PLCL2: variants seen among roughly 807,000 people sequenced by gnomAD.
PLCL2 encodes the protein inactive phospholipase C-like protein 2.
Under a neutral mutation model 79.6 loss-of-function variants are expected in PLCL2, and 4 were observed. The ratio of observed to expected loss-of-function variants is 0.05; its 90% CI spans 0.02 to 0.11. The LOEUF (loss-of-function observed/expected upper bound fraction) is 0.11, where lower values mean the gene tolerates loss of function less well. PLCL2 is among the 10% of genes least tolerant of loss of function. The pLI is 1.00. For missense variants in PLCL2, 895 were observed against 1,291.0 expected (o/e 0.69, Z 4.70); for synonymous variants, 484 against 457.7 (o/e 1.06, Z -0.73).
chr3:16,931,852 C>G (rs1033057228), intron 1 of PLCL2, among the ~76,000 whole-genome samples: 2 of 152,084 alleles, frequency 1.3e-5, no homozygotes, highest in Non-Finnish European at 2.9e-5. Context: ...ATGTTTGTAT[C>G]CCTGCAAAAT....
chr3:17,088,498 T>C lies in PLCL2; in HGVS notation c.3205-1235T>C, dbSNP rs2124960881. ...TAATAGTGTAAGTAGAAAAAACTGT[T>C]AGTGGAAGGCAGGTTAAATTTGGAA... On this transcript the variant is annotated intron_variant, in intron 5 of 5. Transcript: ENST00000615277. 2.0e-5 allele frequency among the ~76,000 whole-genome samples: 3 copies of C among 152,202 alleles called. No homozygotes were observed. In the South Asian group the frequency reaches 6.2e-4, roughly 32 times the overall value.
intron 1 of PLCL2, among the ~76,000 whole-genome samples, chr3:16,992,189 A>AT (rs1213594827): frequency 6.6e-6 from 1 of 152,144 alleles, no homozygotes; most frequent in African/African-American, 2.4e-5. Flanking sequence ...GGGCAGAGGG[A>AT]TTGGGTGGTG....
intron 1 of PLCL2, among the ~76,000 whole-genome samples, chr3:16,903,193 C>T (rs1696669016): frequency 6.6e-6 from 1 of 152,138 alleles, no homozygotes; most frequent in Non-Finnish European, 1.5e-5. Context: ...CATCTTTAGA[C>T]TGGGATATCA....
At chr3:16,906,863 GT>G (rs563185561) in intron 1 of PLCL2, among the ~76,000 whole-genome samples, 226 of 152,294 alleles carry the variant, frequency 1.5e-3, no homozygotes, top group African/African-American at 4.3e-3. Context: ...AATAGAAACT[GT>G]TTGTTTACTC....
At chr3:16,974,231 G>A (rs1000374811) in intron 1 of PLCL2, among the ~76,000 whole-genome samples, 5 of 152,074 alleles carry the variant, frequency 3.3e-5, no homozygotes, top group Non-Finnish European at 5.9e-5. Flanking sequence ...GAGGGAAAAC[G>A]TTAAAGAGTT....
intron 5 of PLCL2, among the ~76,000 whole-genome samples, chr3:17,078,866 C>T (rs2065134014): frequency 6.6e-6 from 1 of 152,126 alleles, no homozygotes; most frequent in Non-Finnish European, 1.5e-5. Flanking sequence ...AGTATGTTGT[C>T]TCTTTTCCTG....
intron 1 of PLCL2, among the ~76,000 whole-genome samples, chr3:16,892,111 T>G (rs1696365449): frequency 2.6e-5 from 4 of 152,236 alleles, no homozygotes; most frequent in Admixed American, 2.0e-4. Context: ...GGGACAAGAA[T>G]GAGTCTTAGG....
Position 17,089,809 on chromosome 3 carries a change from C to T in PLCL2, c.3281C>T (p.Ser1094Leu), listed in dbSNP as rs1408242756. The T allele has an allele frequency of 6.2e-7, 1 of 1,613,966 alleles. No individual in the cohort carries two copies. Among genetic ancestry groups the T allele is most frequent in the Admixed American group, 1.7e-5 (1 of 60,008 alleles). The change falls in exon 6 of 6, where the codon TCA becomes TTA. Residue 1094 changes from serine to leucine, a missense_variant. Coordinates refer to ENST00000615277, the MANE Select transcript of PLCL2 (RefSeq NM_001144382.2). ...AAACAAATCCATTTTGCTGCTGTTT[C>T]ATGTGGACTGAATAAACCAGGCACC... Reference protein sequence around the residue: ...NLKQIHFAAVSCGLNKPGTEN... With the variant: ...NLKQIHFAAVLCGLNKPGTEN...
intron 1 of PLCL2, among the ~76,000 whole-genome samples, chr3:16,969,370 C>T (rs1279905297): frequency 6.6e-6 from 1 of 152,014 alleles, no homozygotes; most frequent in Admixed American, 6.6e-5. Flanking sequence ...TCTCTCTGGT[C>T]CTGGGCTTTT....
At chr3:16,957,410 C>A (rs2063716423) in intron 1 of PLCL2, among the ~76,000 whole-genome samples, 1 of 152,112 alleles carries the variant, frequency 6.6e-6, no homozygotes, top group African/African-American at 2.4e-5. Flanking sequence ...GTTATAATTT[C>A]TGTTCTTTTA....
intron 1 of PLCL2, among the ~76,000 whole-genome samples, chr3:16,925,402 A>G (rs551457195): frequency 6.6e-5 from 10 of 152,160 alleles, no homozygotes; most frequent in Non-Finnish European, 1.3e-4. Context: ...ATTTTTTGAG[A>G]TGCAATTCTC....
At chr3:17,021,531 C>T (rs1359984313) in intron 3 of PLCL2, among the ~76,000 whole-genome samples, 2 of 151,740 alleles carry the variant, frequency 1.3e-5, no homozygotes, top group African/African-American at 4.8e-5. Flanking sequence ...CCTTCTGATC[C>T]AGTTTTCTAG....
intron 1 of PLCL2, among the ~76,000 whole-genome samples, chr3:16,944,340 ACT>A (rs1462544940): frequency 6.6e-6 from 1 of 151,956 alleles, no homozygotes. Flanking sequence ...GAGCCAGATG[ACT>A]CTCCATCTTT....
At chr3:17,052,680 CCT>C (rs2064854455) in intron 4 of PLCL2, among the ~76,000 whole-genome samples, 1 of 152,158 alleles carries the variant, frequency 6.6e-6, no homozygotes, top group Non-Finnish European at 1.5e-5. Flanking sequence ...GCCTCTGCCA[CCT>C]CTGAGACAGC....
chr3:17,032,473 C>T (rs9834723), intron 3 of PLCL2, among the ~76,000 whole-genome samples: 24,430 of 152,004 alleles, frequency 0.16, 2,347 homozygotes, highest in Non-Finnish European at 0.2. Context: ...GTGATTTTGT[C>T]GATTTTTTTT....
intron 1 of PLCL2, among the ~76,000 whole-genome samples, chr3:16,917,388 G>A (rs1384598409): frequency 1.3e-5 from 2 of 152,192 alleles, no homozygotes; most frequent in African/African-American, 4.8e-5. Flanking sequence ...GCATAGAACA[G>A]TGACCATTTT....
At chr3:17,049,541 C>T (rs1472911164) in intron 4 of PLCL2, among the ~76,000 whole-genome samples, 6 of 152,136 alleles carry the variant, frequency 3.9e-5, no homozygotes, top group African/African-American at 1.4e-4. Context: ...CAACAGTGAA[C>T]AATTTGAAAA....
chr3:16,991,351 G>A (rs530740272), intron 1 of PLCL2, among the ~76,000 whole-genome samples: 1 of 152,264 alleles, frequency 6.6e-6, no homozygotes, highest in South Asian at 2.1e-4. Context: ...TGCATTTAAC[G>A]GCAGACAGTA....
chr3:16,897,436 A>G (rs998937826), intron 1 of PLCL2, among the ~76,000 whole-genome samples: 4 of 152,126 alleles, frequency 2.6e-5, no homozygotes, highest in East Asian at 3.9e-4. Context: ...GAGAAACTAT[A>G]TAGGTGTACC....
Sources: gnomAD v4.1 joint callset for allele counts (sites outside exome capture counted in the v4.1 genomes callset) on GRCh38, gnomAD v4.1.1 for gene constraint, MANE v1.5 for transcripts, NCBI Gene and HGNC (gene_info 2026-07-23, HGNC 2026-07-21) for gene names.